KANSL1L: variants seen among roughly 807,000 people sequenced by gnomAD.
KANSL1L encodes the protein KAT8 regulatory NSL complex subunit 1 like.
A neutral mutation model predicts 108.6 loss-of-function variants in KANSL1L; 25 were observed. The observed-to-expected ratio is 0.23, with a 90% CI of 0.17 to 0.32. KANSL1L has a LOEUF of 0.32. Ranked by LOEUF, KANSL1L falls within the 10% of genes least tolerant of loss-of-function variation. The pLI is 1.00. For missense variants in KANSL1L, 1,137 were observed against 1,125.7 expected (o/e 1.01, Z -0.14); for synonymous variants, 405 against 395.1 (o/e 1.03, Z -0.30).
chr2:210,154,700 T>C lies in KANSL1L; in HGVS notation c.-29-89A>G. ...CTAAGGGCAACATGTTCAATGTTTC[T>C]GATTAGAACATGAAGGAACAAAACT... is the stretch of plus-strand genomic sequence containing the variant. On this transcript the variant is annotated intron_variant, in intron 1 of 14. Coordinates refer to ENST00000281772, the MANE Select transcript of KANSL1L (RefSeq NM_152519.4). 1.1e-5 allele frequency: 8 copies of C among 702,940 alleles called. 1 individual carries two copies. Among genetic ancestry groups the C allele is most frequent in the South Asian group, 9.1e-5 (2 of 21,952 alleles). 43.5% of individuals were successfully genotyped at this position (702,940 alleles called of 1,614,324 possible).
chr2:210,042,984 A>G (rs2094182532), intron 7 of KANSL1L, among the ~76,000 whole-genome samples: 1 of 152,274 alleles, frequency 6.6e-6, no homozygotes, highest in East Asian at 1.9e-4. Context: ...CTAAGTTGAG[A>G]TATCCCCCAG....
chr2:210,057,676 T>A (rs190213692), intron 6 of KANSL1L, among the ~76,000 whole-genome samples: 1 of 152,338 alleles, frequency 6.6e-6, no homozygotes, highest in Admixed American at 6.5e-5. Flanking sequence ...GCTGAAGCCA[T>A]GGCAGAAGAA....
chr2:210,104,866 C>T (rs1293658333), intron 3 of KANSL1L, among the ~76,000 whole-genome samples: 4 of 152,118 alleles, frequency 2.6e-5, no homozygotes, highest in Non-Finnish European at 4.4e-5. Flanking sequence ...AAAGTACTCT[C>T]TAGGCCAATC....
chr2:210,154,043 C>G lies in KANSL1L; in HGVS notation c.540G>C (p.Leu180Phe). 1 of 1,613,760 alleles carries G rather than the reference C, an allele frequency of 6.2e-7. No individual in the cohort carries two copies. Among genetic ancestry groups the G allele is most frequent in the South Asian group, 1.1e-5 (1 of 91,002 alleles). ...NCKWYQENAL[L>F]DKVTDAEIKK... ...TAATCTCAGCATCAGTAACTTTATCCAAAAGTGCATTCTCTTGATACCATT... is the reference window on the plus strand; with the variant it reads ...TAATCTCAGCATCAGTAACTTTATCGAAAAGTGCATTCTCTTGATACCATT... Residue 180 changes from leucine to phenylalanine, a missense_variant, in exon 2 of 15, where the codon TTG becomes TTC. Physicochemically the swap from Leu to Phe is conservative, Grantham distance 22. This residue lies in a region of KANSL1L where 556 missense variants were observed against 537.7 expected (regional missense o/e 1.03). Transcript: ENST00000281772.
At position 210,046,222 on chromosome 2, in the gene KANSL1L, G is replaced by T. The variant is rs186119774; in HGVS notation, c.1756-2118C>A. ...GTTTCTACATATGAGTTTTGGGGGA[G>T]ACTCATTCAGTCTATAGCATTGCAT... is the stretch of plus-strand genomic sequence containing the variant. On this transcript the variant is annotated intron_variant, in intron 6 of 14. Transcript: ENST00000281772. Among the ~76,000 whole-genome samples the T allele has an allele frequency of 3.9e-4, 59 of 152,210 alleles. 1 individual carries two copies. The highest frequency in any genetic ancestry group is 1.7e-3 in the East Asian group (9 of 5,180).
chr2:210,023,654 G>A (rs953356862), intron 14 of KANSL1L, among the ~76,000 whole-genome samples: 2 of 152,168 alleles, frequency 1.3e-5, no homozygotes, highest in African/African-American at 4.8e-5. Flanking sequence ...GTGTTAGAAA[G>A]CAGTCCCTTT....
rs1158960741 is a variant in KANSL1L at position 210,031,458 on chromosome 2, C to T, written c.2118G>A (p.Gln706=). 1.2e-6 allele frequency: 2 copies of T among 1,601,336 alleles called. No homozygotes were observed. The highest frequency in any genetic ancestry group is 1.1e-5 in the South Asian group (1 of 90,338). The change falls in exon 9 of 15, where the codon CAG becomes CAA. Residue 706 remains glutamine, a synonymous_variant. Coordinates refer to ENST00000281772, the MANE Select transcript of KANSL1L (RefSeq NM_152519.4). ...CACTCAAATGTCTTTTCTTTCTTCCCTGTAACAGTTGTGCAGAAGATTCTG... is the reference window on the plus strand; with the variant it reads ...CACTCAAATGTCTTTTCTTTCTTCCTTGTAACAGTTGTGCAGAAGATTCTG... ...IRSESSAQLL[Q]GRKKRHLSET... is the part of the protein sequence containing the mutation.
At chr2:210,164,448 G>C (rs373718313) in intron 1 of KANSL1L, among the ~76,000 whole-genome samples, 8 of 152,092 alleles carry the variant, frequency 5.3e-5, no homozygotes, top group African/African-American at 1.4e-4. Flanking sequence ...GGAGTATTTG[G>C]ATCCTTGCTA....
intron 8 of KANSL1L, among the ~76,000 whole-genome samples, chr2:210,038,254 A>G (rs2094128950): frequency 6.6e-6 from 1 of 152,082 alleles, no homozygotes; most frequent in African/African-American, 2.4e-5. Flanking sequence ...GTTGGGTCAG[A>G]ATGCAGGGTT....
At chr2:210,098,780 C>T (rs1337821309) in intron 4 of KANSL1L, among the ~76,000 whole-genome samples, 2 of 150,522 alleles carry the variant, frequency 1.3e-5, no homozygotes, top group African/African-American at 2.4e-5. Context: ...TCTAACAACA[C>T]ACTGTTTCTC....
chr2:210,045,557 C>T (rs2094214555), intron 6 of KANSL1L, among the ~76,000 whole-genome samples: 1 of 152,152 alleles, frequency 6.6e-6, no homozygotes, highest in East Asian at 1.9e-4. Context: ...CATCTCATTG[C>T]TCATAGCTCT....
At chr2:210,036,023 C>A (rs776253784) in intron 8 of KANSL1L, among the ~76,000 whole-genome samples, 1 of 152,152 alleles carries the variant, frequency 6.6e-6, no homozygotes, top group African/African-American at 2.4e-5. Flanking sequence ...TAATCTGGAA[C>A]GCTCCACCCT....
chr2:210,168,920 C>T (rs532300527), intron 1 of KANSL1L, among the ~76,000 whole-genome samples: 6 of 152,162 alleles, frequency 3.9e-5, no homozygotes, highest in Admixed American at 3.3e-4. Flanking sequence ...GCATGTCAAA[C>T]ATGAAATATA....
intron 5 of KANSL1L, among the ~76,000 whole-genome samples, chr2:210,082,382 G>A (rs922454383): frequency 2.0e-5 from 3 of 152,068 alleles, no homozygotes; most frequent in South Asian, 2.1e-4. Flanking sequence ...TTCAGCACTC[G>A]ATGTCAAGCA....
intron 2 of KANSL1L, among the ~76,000 whole-genome samples, chr2:210,149,011 T>C (rs2095284287): frequency 6.6e-6 from 1 of 152,142 alleles, no homozygotes. Flanking sequence ...CATATTTTGG[T>C]ATATTTCATT....
chr2:210,032,638 G>A (rs1047312326), intron 8 of KANSL1L: 3 of 152,332 alleles, frequency 2.0e-5, no homozygotes, highest in East Asian at 3.9e-4. Flanking sequence ...CAATGCCCAG[G>A]TGCCCTGCTT....
chr2:210,027,465 GT>G, intron 11 of KANSL1L, 115 bp from the exon 12 acceptor site: 1 of 669,186 alleles, frequency 1.5e-6, no homozygotes, highest in Non-Finnish European at 2.7e-6. Flanking sequence ...GGTTCAAATT[GT>G]TGTATTTTAA....
In KANSL1L at chr2:210,159,603, T is replaced by C. The variant is rs567191574; in HGVS notation, c.-29-4992A>G. Reference sequence around the variant, plus strand: ...ACTAAATTCATAAATTAATTGATCATGATATTTAAAGGCATTTCAGGATTT... The same window carrying C: ...ACTAAATTCATAAATTAATTGATCACGATATTTAAAGGCATTTCAGGATTT... On this transcript the variant is annotated intron_variant, in intron 1 of 14. Transcript: ENST00000281772. 1.6e-4 allele frequency among the ~76,000 whole-genome samples: 25 copies of C among 152,322 alleles called. No individual in the cohort carries two copies. The South Asian group carries it at 5.0e-3, about 30-fold the overall frequency.
chr2:210,065,306 A>G (rs2094457523), intron 6 of KANSL1L, among the ~76,000 whole-genome samples: 2 of 150,704 alleles, frequency 1.3e-5, no homozygotes, highest in South Asian at 4.2e-4. Flanking sequence ...AAAAAAAAAA[A>G]AAAAAAAAAA....
Sources: allele counts gnomAD v4.1 joint callset (sites outside exome capture counted in the v4.1 genomes callset), GRCh38; gene constraint gnomAD v4.1.1; regional missense constraint gnomAD v4.1.1; transcripts MANE v1.5; gene names NCBI Gene and HGNC (gene_info 2026-07-23, HGNC 2026-07-21).